The following SBF2 variants were observed in gnomAD, a reference collection of about 807,000 sequenced individuals.
SBF2 encodes myotubularin-related protein 13.
A neutral mutation model predicts 225.2 loss-of-function variants in SBF2; 112 were observed. That is an observed-to-expected ratio of 0.50 (90% CI 0.43 to 0.58). The LOEUF (loss-of-function observed/expected upper bound fraction) is 0.58, where lower values mean the gene tolerates loss of function less well. Among genes scored for constraint, SBF2 ranks in the 20% least tolerant of loss-of-function variants. The pLI, the probability that SBF2 is intolerant of heterozygous loss-of-function variation, is 0.00. For synonymous variants in SBF2, 763 were observed against 773.3 expected (o/e 0.99, Z 0.22); for missense variants, 1,996 against 2,206.2 (o/e 0.90, Z 1.91).
intron 36 of SBF2, 91 bp downstream of exon 36, chr11:9,787,543 C>G: frequency 9.4e-7 from 1 of 1,068,882 alleles, no homozygotes. Context: ...ATAAACCCAG[C>G]TGGGTCTTGT....
intron 13 of SBF2, 32 bp from the exon 14 acceptor site, chr11:9,968,577 A>C: frequency 1.9e-6 from 3 of 1,554,152 alleles, no homozygotes; most frequent in Non-Finnish European, 2.7e-6. Context: ...AAATTACTCC[A>C]AGTTAAAATA....
At chr11:9,860,265 T>G (rs917824815) in intron 17 of SBF2, among the ~76,000 whole-genome samples, 1 of 148,034 alleles carries the variant, frequency 6.8e-6, no homozygotes, top group African/African-American at 2.6e-5. Flanking sequence ...GAAACAGTTT[T>G]TTTTTTTTTT....
chr11:9,931,493 G>A (rs556539549), intron 16 of SBF2, among the ~76,000 whole-genome samples: 1 of 152,338 alleles, frequency 6.6e-6, no homozygotes, highest in East Asian at 1.9e-4. Flanking sequence ...AACAGGGTCT[G>A]GAGTGGACCT....
intron 1 of SBF2, among the ~76,000 whole-genome samples, chr11:10,253,118 CAA>C (rs546522229): frequency 5.8e-4 from 45 of 77,258 alleles, no homozygotes; most frequent in African/African-American, 2.0e-3. Flanking sequence ...AGGTAAATAC[CAA>C]AAAAAAAAAA....
chr11:10,068,748 A>G (rs1319492952), intron 2 of SBF2, among the ~76,000 whole-genome samples: 2 of 152,194 alleles, frequency 1.3e-5, no homozygotes, highest in East Asian at 1.9e-4. Flanking sequence ...CCCTTTCAAA[A>G]TAATGTCAAC....
At chr11:10,127,027 G>A (rs1243995616) in intron 2 of SBF2, among the ~76,000 whole-genome samples, 1 of 152,004 alleles carries the variant, frequency 6.6e-6, no homozygotes, top group Non-Finnish European at 1.5e-5. Context: ...TTACCAGGAG[G>A]TAGGGGCAAA....
At chr11:9,861,391 CAG>C (rs1250710157) in intron 17 of SBF2, among the ~76,000 whole-genome samples, 1 of 152,144 alleles carries the variant, frequency 6.6e-6, no homozygotes, top group African/African-American at 2.4e-5. Context: ...AGGCCAGGCA[CAG>C]TGGCTCACGC....
chr11:9,864,920 T>TA (rs200948648), intron 17 of SBF2, among the ~76,000 whole-genome samples: 3 of 151,928 alleles, frequency 2.0e-5, no homozygotes, highest in Non-Finnish European at 2.9e-5. Context: ...TTTATTTATT[T>TA]TTTTTTTTGA....
At chr11:10,209,764 T>C (rs1344746130) in intron 1 of SBF2, among the ~76,000 whole-genome samples, 1 of 152,124 alleles carries the variant, frequency 6.6e-6, no homozygotes, top group Non-Finnish European at 1.5e-5. Context: ...ACTAGGATTA[T>C]GTTCCACTGC....
intron 16 of SBF2, among the ~76,000 whole-genome samples, chr11:9,943,587 C>T (rs1865404991): frequency 2.0e-5 from 3 of 152,094 alleles, no homozygotes; most frequent in Non-Finnish European, 4.4e-5. Flanking sequence ...AAGGCATTTC[C>T]TTACACAGAA....
chr11:10,222,604 GA>G (rs987641031), intron 1 of SBF2, among the ~76,000 whole-genome samples: 2 of 152,104 alleles, frequency 1.3e-5, no homozygotes, highest in African/African-American at 2.4e-5. Context: ...AAATTGGGGG[GA>G]AAAAGGAACA....
chr11:9,855,483 G>A (rs79255688), intron 19 of SBF2, among the ~76,000 whole-genome samples: 256 of 152,266 alleles, frequency 1.7e-3, no homozygotes, highest in African/African-American at 5.9e-3. Context: ...ATGCGAGCTC[G>A]AACTACCAGG....
At chr11:9,811,848 G>A (rs1429682081) in intron 30 of SBF2, among the ~76,000 whole-genome samples, 1 of 152,134 alleles carries the variant, frequency 6.6e-6, no homozygotes, top group Admixed American at 6.5e-5. Flanking sequence ...AGGCGTGGCA[G>A]CTCATGCCTG....
intron 6 of SBF2, among the ~76,000 whole-genome samples, chr11:10,021,702 C>CTTA (rs2134598842): frequency 6.6e-6 from 1 of 152,278 alleles, no homozygotes; most frequent in South Asian, 2.1e-4. Context: ...ACAAAAGGAT[C>CTTA]TTATAGTCTT....
intron 2 of SBF2, among the ~76,000 whole-genome samples, chr11:10,140,538 A>ATGTG (rs954899829): frequency 3.3e-5 from 5 of 152,138 alleles, no homozygotes; most frequent in African/African-American, 4.8e-5. Context: ...TAAGTGTCCT[A>ATGTG]TGTGTGTCTT....
At chr11:10,199,345 A>G (rs1260575925) in intron 1 of SBF2, among the ~76,000 whole-genome samples, 1 of 152,194 alleles carries the variant, frequency 6.6e-6, no homozygotes, top group Non-Finnish European at 1.5e-5. Context: ...AGTAATATCA[A>G]AGATCACTGA....
chr11:10,054,090 G>A (rs1950164379), intron 2 of SBF2, among the ~76,000 whole-genome samples: 1 of 152,066 alleles, frequency 6.6e-6, no homozygotes, highest in Admixed American at 6.6e-5. Context: ...ATACTTAAAA[G>A]GGACTATCCA....
Position 9,829,501 on chromosome 11 carries a change from A to G in SBF2, c.3653-5T>C. Reference sequence around the variant, plus strand: ...ATTCTAAAGAGGAGGTAGGAGCTATAAAAGGAAAATATATTGAATAAAATA... The same window carrying G: ...ATTCTAAAGAGGAGGTAGGAGCTATGAAAGGAAAATATATTGAATAAAATA... On this transcript the variant is annotated splice_polypyrimidine_tract_variant and splice_region_variant and intron_variant, in intron 27 of 39. Transcript: ENST00000256190. 6.3e-7 allele frequency: 1 copy of G among 1,599,952 alleles called. No individual in the cohort carries two copies. The highest frequency in any genetic ancestry group is 1.1e-5 in the South Asian group (1 of 90,720).
chr11:10,025,634 C>CT (rs1949022993), intron 6 of SBF2, among the ~76,000 whole-genome samples: 1 of 152,124 alleles, frequency 6.6e-6, no homozygotes, highest in Non-Finnish European at 1.5e-5. Flanking sequence ...GGGTTTCACT[C>CT]TGTCGCCCAG....
Sources: gnomAD v4.1 joint callset for allele counts (sites outside exome capture counted in the v4.1 genomes callset) on GRCh38, gnomAD v4.1.1 for gene constraint, MANE v1.5 for transcripts, NCBI Gene and HGNC (gene_info 2026-07-23, HGNC 2026-07-21) for gene names.